The following TAOK3 variants were observed in gnomAD, a reference collection of about 807,000 sequenced individuals.
TAOK3 encodes serine/threonine-protein kinase TAO3.
TAOK3 carries 40 observed loss-of-function variants against 120.4 expected under a neutral mutation model. That is an observed-to-expected ratio of 0.33 (90% confidence interval 0.26 to 0.43). TAOK3 has a LOEUF of 0.43. TAOK3 is among the 20% of genes least tolerant of loss of function. The pLI is 1.00. For synonymous variants in TAOK3, 355 were observed against 387.5 expected (o/e 0.92, Z 0.99); for missense variants, 821 against 1,112.1 (o/e 0.74, Z 3.72).
At chr12:118,198,800 A>C (rs1267475410) in intron 13 of TAOK3, 1 of 506,914 alleles carries the variant, frequency 2.0e-6, no homozygotes, top group South Asian at 2.1e-5. Flanking sequence ...AGGACTTATC[A>C]AATTCTTCAA....
chr12:118,315,590 AAT>A lies in TAOK3; in HGVS notation c.-193-48833_-193-48832del, dbSNP rs567872168. Among the ~76,000 whole-genome samples the A allele has an allele frequency of 3.9e-3, 595 of 152,320 alleles. 7 individuals are homozygous for A. The highest frequency in any genetic ancestry group is 0.014 in the African/African-American group (568 of 41,580). On this transcript the variant is annotated intron_variant, in intron 1 of 20. Transcript: ENST00000392533. ...GGAAAGAAGTACAAAGGAGACTCCA[AAT>A]ATATGTTTTTATTTCTTTAAAAAAT...
At chr12:118,194,183 G>A (rs796864244) in intron 13 of TAOK3, among the ~76,000 whole-genome samples, 16 of 152,188 alleles carry the variant, frequency 1.1e-4, no homozygotes, top group African/African-American at 3.4e-4. Flanking sequence ...GCTCTTATCC[G>A]GTGATGAGAA....
At chr12:118,309,327 CAAAAAAA>C (rs771231916) in intron 1 of TAOK3, among the ~76,000 whole-genome samples, 1 of 71,118 alleles carries the variant, frequency 1.4e-5, no homozygotes, top group African/African-American at 5.1e-5. Flanking sequence ...AGACTGTCTC[CAAAAAAA>C]AAAAAAAAAA....
chr12:118,343,034 T>TA (rs369481948), intron 1 of TAOK3, among the ~76,000 whole-genome samples: 106 of 145,280 alleles, frequency 7.3e-4, no homozygotes, highest in East Asian at 8.0e-4. Context: ...TTCTTAGGCT[T>TA]AAAAAAAAAA....
chr12:118,153,915 T>A (rs765445243), intron 19 of TAOK3, among the ~76,000 whole-genome samples: 3 of 152,218 alleles, frequency 2.0e-5, no homozygotes, highest in Admixed American at 6.5e-5. Context: ...AATTACATAA[T>A]CATATTTCCA....
chr12:118,369,004 GAAA>G (rs975694288), intron 1 of TAOK3, among the ~76,000 whole-genome samples: 4 of 69,382 alleles, frequency 5.8e-5, no homozygotes, highest in Admixed American at 1.8e-4. Context: ...ACTAAAAATA[GAAA>G]AAAAAAAAAA....
chr12:118,265,566 CAG>C (rs1425232722), intron 2 of TAOK3, among the ~76,000 whole-genome samples: 3 of 151,800 alleles, frequency 2.0e-5, no homozygotes, highest in African/African-American at 7.3e-5. Flanking sequence ...GAAGTAAAAA[CAG>C]AAATAATATA....
intron 9 of TAOK3, among the ~76,000 whole-genome samples, chr12:118,229,759 G>A (rs947823626): frequency 1.1e-4 from 16 of 151,836 alleles, no homozygotes; most frequent in African/African-American, 3.4e-4. Context: ...ATGAAACCCC[G>A]TCTCTACTAA....
chr12:118,273,651 T>G (rs1398917952), intron 1 of TAOK3, among the ~76,000 whole-genome samples: 1 of 151,814 alleles, frequency 6.6e-6, no homozygotes, highest in Admixed American at 6.6e-5. Context: ...CCGTCTCTAC[T>G]GAAAATAGAA....
At chr12:118,221,455 G>A (rs2039226812) in intron 9 of TAOK3, among the ~76,000 whole-genome samples, 1 of 151,982 alleles carries the variant, frequency 6.6e-6, no homozygotes, top group Non-Finnish European at 1.5e-5. Flanking sequence ...TCAAACTCCT[G>A]ACCTCAGGTG....
chr12:118,247,476 C>CATATATATAT lies in TAOK3; in HGVS notation c.121-2521_121-2512dup, dbSNP rs780142969. Among the ~76,000 whole-genome samples the CATATATATAT allele has an allele frequency of 7.5e-3, 1,139 of 150,992 alleles. 10 individuals are homozygous for CATATATATAT. Among genetic ancestry groups the CATATATATAT allele is most frequent in the Middle Eastern group, 0.045 (13 of 288 alleles). On this transcript the variant is annotated intron_variant, in intron 3 of 20. Coordinates refer to ENST00000392533, the MANE Select transcript of TAOK3 (RefSeq NM_016281.4). ...TTCCTCTCAACTTACTCAAGATATA[C>CATATATATAT]ATATATATATATACACACACACACA...
At chr12:118,166,701 T>C (rs990962104) in intron 17 of TAOK3, among the ~76,000 whole-genome samples, 4 of 152,080 alleles carry the variant, frequency 2.6e-5, no homozygotes, top group African/African-American at 9.7e-5. Flanking sequence ...CCACATCATG[T>C]GCACCTTTAG....
chr12:118,208,744 C>G (rs192014303), intron 11 of TAOK3, among the ~76,000 whole-genome samples: 3 of 152,122 alleles, frequency 2.0e-5, no homozygotes, highest in African/African-American at 7.2e-5. Flanking sequence ...TGGAGTCTTG[C>G]TCTGTTGCCC....
intron 1 of TAOK3, among the ~76,000 whole-genome samples, chr12:118,348,831 A>G (rs1031095308): frequency 1.3e-5 from 2 of 151,378 alleles, no homozygotes; most frequent in Admixed American, 6.6e-5. Flanking sequence ...GAGGGGGGAG[A>G]AAAAAAATAA....
chr12:118,230,888 T>C (rs180765951), intron 9 of TAOK3, among the ~76,000 whole-genome samples: 1 of 152,198 alleles, frequency 6.6e-6, no homozygotes, highest in African/African-American at 2.4e-5. Context: ...TCAATTTCCT[T>C]TGGAGTGAAA....
chr12:118,259,663 T>C (rs1455298241), intron 2 of TAOK3, among the ~76,000 whole-genome samples: 1 of 152,138 alleles, frequency 6.6e-6, no homozygotes, highest in East Asian at 1.9e-4. Context: ...ATGTAAGCCA[T>C]TAAATGTTTG....
chr12:118,229,797 G>A (rs146194668), intron 9 of TAOK3, among the ~76,000 whole-genome samples: 151 of 152,058 alleles, frequency 9.9e-4, no homozygotes, highest in Middle Eastern at 3.4e-3. Context: ...CAGGCGTGGC[G>A]GCATGCACCT....
At chr12:118,203,208 T>A (rs1274847086) in intron 11 of TAOK3, among the ~76,000 whole-genome samples, 1 of 152,124 alleles carries the variant, frequency 6.6e-6, no homozygotes, top group African/African-American at 2.4e-5. Context: ...AATATGCCAG[T>A]TGTTCAATTT....
intron 1 of TAOK3, among the ~76,000 whole-genome samples, chr12:118,281,167 C>T (rs1019189037): frequency 6.6e-6 from 1 of 152,142 alleles, no homozygotes; most frequent in Non-Finnish European, 1.5e-5. Flanking sequence ...TTTCTTTCTT[C>T]CTATTTGGAT....
Sources: gnomAD v4.1 joint callset for allele counts (sites outside exome capture counted in the v4.1 genomes callset) on GRCh38, gnomAD v4.1.1 for gene constraint, MANE v1.5 for transcripts, NCBI Gene and HGNC (gene_info 2026-07-23, HGNC 2026-07-21) for gene names.